The following KCNQ5 variants were observed in gnomAD, a reference collection of about 807,000 sequenced individuals.
The protein encoded by KCNQ5 is potassium voltage-gated channel subfamily KQT member 5.
In KCNQ5, 30 loss-of-function variants were observed where a neutral mutation model predicts 98.2. The observed-to-expected ratio is 0.31, with a 90% CI of 0.23 to 0.41. The LOEUF (loss-of-function observed/expected upper bound fraction) is 0.41, where lower values mean the gene tolerates loss of function less well. KCNQ5 is among the 10% of genes least tolerant of loss of function. The probability of loss-of-function intolerance (pLI) is 1.00; values close to 1 mark genes in which losing one functional copy is unlikely to be tolerated. For missense variants in KCNQ5, 835 were observed against 1,182.5 expected (o/e 0.71, Z 4.31); for synonymous variants, 458 against 449.4 (o/e 1.02, Z -0.24).
chr6:72,922,637 T>C (rs1166929374), intron 1 of KCNQ5, among the ~76,000 whole-genome samples: 2 of 152,132 alleles, frequency 1.3e-5, no homozygotes, highest in African/African-American at 2.4e-5. Context: ...TCAAATTCCA[T>C]GTAAAAGTGA....
At chr6:72,729,184 A>G (rs1157941327) in intron 1 of KCNQ5, among the ~76,000 whole-genome samples, 2 of 152,140 alleles carry the variant, frequency 1.3e-5, no homozygotes, top group African/African-American at 4.8e-5. Context: ...GTGTTTTTCC[A>G]TTACAGATAA....
chr6:72,723,819 A>C (rs1335663265), intron 1 of KCNQ5, among the ~76,000 whole-genome samples: 1 of 152,178 alleles, frequency 6.6e-6, no homozygotes, highest in Non-Finnish European at 1.5e-5. Context: ...ATTGCCATTC[A>C]TCATTACCTT....
intron 10 of KCNQ5, among the ~76,000 whole-genome samples, chr6:73,147,740 A>C: frequency 6.6e-6 from 1 of 152,196 alleles, no homozygotes; most frequent in Admixed American, 6.5e-5. Flanking sequence ...ATTATTCAGG[A>C]ATCAATTAAG....
At chr6:73,057,678 C>G (rs994919500) in intron 3 of KCNQ5, among the ~76,000 whole-genome samples, 1 of 151,620 alleles carries the variant, frequency 6.6e-6, no homozygotes, top group Admixed American at 6.6e-5. Flanking sequence ...CCATATTGCC[C>G]AAAGCAATTT....
chr6:72,906,509 G>A (rs532232323), intron 1 of KCNQ5, among the ~76,000 whole-genome samples: 213 of 152,308 alleles, frequency 1.4e-3, no homozygotes, highest in African/African-American at 4.9e-3. Context: ...CCTTCCTGAA[G>A]GGTCCCCATG....
intron 1 of KCNQ5, among the ~76,000 whole-genome samples, chr6:72,839,293 A>G (rs1307235625): frequency 1.3e-5 from 2 of 152,226 alleles, no homozygotes; most frequent in East Asian, 1.9e-4. Flanking sequence ...AAGAGATTTC[A>G]TATCATTTTA....
At chr6:72,983,730 C>G (rs971588209) in intron 1 of KCNQ5, among the ~76,000 whole-genome samples, 1 of 152,154 alleles carries the variant, frequency 6.6e-6, no homozygotes, top group Non-Finnish European at 1.5e-5. Flanking sequence ...TGAGGCGCTG[C>G]GATCCTTTGG....
intron 1 of KCNQ5, among the ~76,000 whole-genome samples, chr6:72,690,798 GT>G (rs567841847): frequency 2.0e-5 from 3 of 151,176 alleles, no homozygotes; most frequent in South Asian, 2.1e-4. Flanking sequence ...TTCTTTTGCA[GT>G]TTTTTTTCCA....
chr6:72,754,679 A>G (rs1455806957), intron 1 of KCNQ5, among the ~76,000 whole-genome samples: 1 of 152,016 alleles, frequency 6.6e-6, no homozygotes, highest in African/African-American at 2.4e-5. Context: ...GGATCTCAAA[A>G]ATTTTAAATT....
At chr6:72,722,605 G>C (rs1770028235) in intron 1 of KCNQ5, among the ~76,000 whole-genome samples, 1 of 152,104 alleles carries the variant, frequency 6.6e-6, no homozygotes, top group Non-Finnish European at 1.5e-5. Flanking sequence ...GAACTGACAT[G>C]GTGGCTGAAT....
intron 3 of KCNQ5, among the ~76,000 whole-genome samples, chr6:73,047,144 C>T (rs1476576458): frequency 6.6e-6 from 1 of 152,114 alleles, no homozygotes; most frequent in Non-Finnish European, 1.5e-5. Flanking sequence ...TTTAATTGAA[C>T]CTTATCTATT....
At chr6:72,762,649 G>A (rs1182412737) in intron 1 of KCNQ5, among the ~76,000 whole-genome samples, 1 of 152,046 alleles carries the variant, frequency 6.6e-6, no homozygotes, top group Non-Finnish European at 1.5e-5. Flanking sequence ...GATTTAGCTT[G>A]GGCAGTGTTT....
intron 1 of KCNQ5, among the ~76,000 whole-genome samples, chr6:72,637,269 A>G (rs2098924734): frequency 6.6e-6 from 1 of 152,032 alleles, no homozygotes; most frequent in African/African-American, 2.4e-5. Flanking sequence ...TTTTTAACAA[A>G]ATGAAGTGTC....
chr6:72,689,574 A>G (rs1298196588), intron 1 of KCNQ5, among the ~76,000 whole-genome samples: 1 of 152,234 alleles, frequency 6.6e-6, no homozygotes, highest in Non-Finnish European at 1.5e-5. Flanking sequence ...GAGGTGGCAG[A>G]CTTTGTAGTA....
rs569978754 is a variant in KCNQ5, at chr6:72,753,232, C to T, written c.398+130645C>T. 5.3e-5 allele frequency among the ~76,000 whole-genome samples: 8 copies of T among 152,090 alleles called. No homozygotes were observed. The South Asian group carries it at 1.7e-3, about 32-fold the overall frequency. On this transcript the variant is annotated intron_variant, in intron 1 of 13. Transcript: ENST00000370398. ...TAGCTTTTTATGATTGGCTTTTTTTCACTTGGCATAATGCTTTTAAGATGA... is the reference window on the plus strand; with the variant it reads ...TAGCTTTTTATGATTGGCTTTTTTTTACTTGGCATAATGCTTTTAAGATGA...
chr6:73,189,995 CAAA>C (rs56943530), intron 11 of KCNQ5, among the ~76,000 whole-genome samples: 2 of 113,202 alleles, frequency 1.8e-5, no homozygotes. Context: ...GACCTCATCT[CAAA>C]AAAAAAAAAA....
chr6:73,050,719 T>C (rs951792353), intron 3 of KCNQ5, among the ~76,000 whole-genome samples: 27 of 152,344 alleles, frequency 1.8e-4, no homozygotes, highest in African/African-American at 6.0e-4. Context: ...ATATACTTTG[T>C]ATTATTCCTT....
chr6:72,888,473 T>A (rs1778932843), intron 1 of KCNQ5, among the ~76,000 whole-genome samples: 1 of 152,042 alleles, frequency 6.6e-6, no homozygotes, highest in Non-Finnish European at 1.5e-5. Flanking sequence ...ATGCAGAAAA[T>A]CACTGAAGAA....
chr6:72,781,306 C>A (rs1243569685), intron 1 of KCNQ5, among the ~76,000 whole-genome samples: 1 of 152,130 alleles, frequency 6.6e-6, no homozygotes, highest in Non-Finnish European at 1.5e-5. Flanking sequence ...CTAGAGTCTT[C>A]ATAGGGAGCA....
Sources: allele counts gnomAD v4.1 joint callset (sites outside exome capture counted in the v4.1 genomes callset), GRCh38; gene constraint gnomAD v4.1.1; transcripts MANE v1.5; gene names NCBI Gene and HGNC (gene_info 2026-07-23, HGNC 2026-07-21).